Variants in EFNA5 observed in about 807,000 individuals in gnomAD.
EFNA5 encodes the protein ephrin A5.
In EFNA5, 5 loss-of-function variants were observed where a neutral mutation model predicts 22.9. The ratio of observed to expected loss-of-function variants is 0.22; its 90% CI spans 0.11 to 0.46. The LOEUF (loss-of-function observed/expected upper bound fraction) is 0.46. Among genes scored for constraint, EFNA5 ranks in the 20% least tolerant of loss-of-function variants. EFNA5 has a pLI of 0.99. For synonymous variants in EFNA5, 113 were observed against 112.2 expected, an observed-to-expected ratio of 1.01 and a Z score of -0.04; for missense variants, 237 against 293.3, an observed-to-expected ratio of 0.81 and a Z score of 1.40.
At chr5:107,523,318 C>T (rs2112445116) in intron 1 of EFNA5, among the ~76,000 whole-genome samples, 1 of 151,626 alleles carries the variant, frequency 6.6e-6, no homozygotes, top group Middle Eastern at 3.4e-3. Flanking sequence ...AAGAAATAGT[C>T]TCAGATATTC....
intron 1 of EFNA5, among the ~76,000 whole-genome samples, chr5:107,598,387 C>CA (rs1046230973): frequency 3.9e-5 from 6 of 151,938 alleles, no homozygotes; most frequent in Non-Finnish European, 8.8e-5. Context: ...AGAGGATAAG[C>CA]AAAAAACTAA....
At chr5:107,471,691 G>A (rs1319257953) in intron 1 of EFNA5, among the ~76,000 whole-genome samples, 1 of 152,196 alleles carries the variant, frequency 6.6e-6, no homozygotes, top group Non-Finnish European at 1.5e-5. Context: ...GGTAGGGCAA[G>A]GCCATGTTGC....
At chr5:107,499,419 C>T (rs1176452950) in intron 1 of EFNA5, among the ~76,000 whole-genome samples, 1 of 152,188 alleles carries the variant, frequency 6.6e-6, no homozygotes, top group Non-Finnish European at 1.5e-5. Context: ...TCTATGAGTC[C>T]TTGTTTGTGC....
intron 1 of EFNA5, among the ~76,000 whole-genome samples, chr5:107,484,114 A>G (rs1380592650): frequency 6.6e-6 from 1 of 152,178 alleles, no homozygotes; most frequent in African/African-American, 2.4e-5. Context: ...TTAATTGTCA[A>G]ACAGATTCAT....
rs1747308329 is a variant in EFNA5, at chr5:107,377,842, TGGA to T, written c.*3410_*3412del. 6.6e-6 allele frequency: 1 copy of T among 152,264 alleles called. No homozygotes were observed. Among genetic ancestry groups the T allele is most frequent in the East Asian group, 1.9e-4 (1 of 5,180 alleles). The allele number at this position is 152,264 out of a possible 1,614,324, so 9.4% of individuals were successfully genotyped here. On this transcript the variant is annotated 3_prime_UTR_variant, in exon 5 of 5. Coordinates refer to ENST00000333274, the MANE Select transcript of EFNA5 (RefSeq NM_001962.3). ...TATCCTTTTCAAACCAACATGCTGG[TGGA>T]GAAGGGAGGGTGGGCCACAGGGCTC...
At chr5:107,420,765 T>C (rs1225964258) in intron 2 of EFNA5, among the ~76,000 whole-genome samples, 1 of 152,176 alleles carries the variant, frequency 6.6e-6, no homozygotes, top group Admixed American at 6.5e-5. Context: ...ATGTGGTTTA[T>C]TATGGCATTT....
chr5:107,427,370 C>T lies in EFNA5; in HGVS notation c.265G>A (p.Ala89Thr). Residue 89 changes from alanine (A) to threonine (T), a missense_variant, in exon 2 of 5, where the codon GCC becomes ACC. By Grantham distance (58) the Ala-to-Thr change is moderately conservative (BLOSUM62 0). Transcript: ENST00000333274. ...LYMVNFDGYS[A>T]CDHTSKGFKR... The stretch of plus-strand genomic sequence containing the variant: ...AACCCTTTGGAAGTGTGGTCGCAGG[C>T]ACTGTAGCCATCAAAGTTCACCATG... 3.1e-6 allele frequency: 5 copies of T among 1,614,084 alleles called. No individual in the cohort carries two copies. In the South Asian group the frequency reaches 4.4e-5, roughly 14 times the overall value.
chr5:107,650,507 C>T (rs1389553077), intron 1 of EFNA5, among the ~76,000 whole-genome samples: 1 of 152,160 alleles, frequency 6.6e-6, no homozygotes. Context: ...CGCAGAGTCA[C>T]TTCAAGCATC....
Position 107,381,152 on chromosome 5 carries a change from C to A in EFNA5, c.*103G>T. The stretch of plus-strand genomic sequence containing the variant: ...AAGAAAACAAAAATCTGACATCTGC[C>A]AAAACCCAATAACAAGTCCCTTCTT... On this transcript the variant is annotated 3_prime_UTR_variant, in exon 5 of 5. Coordinates refer to ENST00000333274, the MANE Select transcript of EFNA5 (RefSeq NM_001962.3). 4 of 1,450,736 alleles carry A rather than the reference C, an allele frequency of 2.8e-6. No homozygotes were observed. Among genetic ancestry groups the A allele is most frequent in the Non-Finnish European group, 3.7e-6 (4 of 1,083,158 alleles). 89.9% of individuals were successfully genotyped at this position (1,450,736 alleles called of 1,614,324 possible). A position where few individuals can be genotyped will look rare whatever the true frequency, so the allele number is the denominator to read the frequency against.
intron 1 of EFNA5, among the ~76,000 whole-genome samples, chr5:107,656,834 C>A (rs1276985451): frequency 6.6e-6 from 1 of 152,062 alleles, no homozygotes; most frequent in Non-Finnish European, 1.5e-5. Flanking sequence ...TCAAATAGAG[C>A]TGAAATTTAA....
intron 1 of EFNA5, among the ~76,000 whole-genome samples, chr5:107,655,289 CTTGACAAATT>C (rs1750799304): frequency 6.6e-6 from 1 of 152,092 alleles, no homozygotes; most frequent in East Asian, 1.9e-4. Flanking sequence ...AGCTCATTCC[CTTGACAAATT>C]TTAACTTCCA....
intron 1 of EFNA5, among the ~76,000 whole-genome samples, chr5:107,661,813 C>G (rs1750966045): frequency 6.6e-6 from 1 of 152,092 alleles, no homozygotes; most frequent in African/African-American, 2.4e-5. Context: ...TATAAAACAT[C>G]AAGTATCATG....
chr5:107,466,730 G>A (rs891353332), intron 1 of EFNA5, among the ~76,000 whole-genome samples: 1 of 152,190 alleles, frequency 6.6e-6, no homozygotes, highest in Non-Finnish European at 1.5e-5. Flanking sequence ...CTGTAAGTTA[G>A]TGTGGTGAGT....
intron 4 of EFNA5, among the ~76,000 whole-genome samples, 170 bp downstream of exon 4, chr5:107,387,065 A>G (rs1747644635): frequency 6.6e-6 from 1 of 152,220 alleles, no homozygotes; most frequent in South Asian, 2.1e-4. Context: ...TTGCACAAAG[A>G]TACTGGAGGA....
chr5:107,617,448 T>C (rs149554200), intron 1 of EFNA5, among the ~76,000 whole-genome samples: 2 of 152,292 alleles, frequency 1.3e-5, no homozygotes, highest in East Asian at 1.9e-4. Flanking sequence ...TTGGGGAAGT[T>C]TGCTTTCTAA....
At chr5:107,621,926 C>T (rs777378455) in intron 1 of EFNA5, among the ~76,000 whole-genome samples, 4 of 151,912 alleles carry the variant, frequency 2.6e-5, no homozygotes, top group Non-Finnish European at 4.4e-5. Context: ...GGCATTTAAA[C>T]AGGAGATAAT....
In EFNA5 at chr5:107,427,309, T is replaced by C. The variant is rs199676207; in HGVS notation, c.326A>G (p.Asn109Ser). Residue 109 changes from asparagine to serine, a missense_variant, in exon 2 of 5, where the codon AAT becomes AGT. By Grantham distance (46) the Asn-to-Ser change is conservative (BLOSUM62 1). Transcript: ENST00000333274. ...RWECNRPHSP[N>S]GPLKFSEKFQ... is the part of the protein sequence containing the mutation. ...TTTTTCAGAGAACTTCAGCGGTCCA[T>C]TTGGAGAGTGAGGCCGGTTACATTC... The C allele has an allele frequency of 1.2e-6, 2 of 1,614,116 alleles. No individual in the cohort carries two copies. The highest frequency in any genetic ancestry group is 1.3e-5 in the African/African-American group (1 of 75,038).
intron 1 of EFNA5, among the ~76,000 whole-genome samples, chr5:107,537,309 C>T (rs1747949496): frequency 6.6e-6 from 1 of 151,716 alleles, no homozygotes; most frequent in Admixed American, 6.6e-5. Context: ...GCCTGACCAA[C>T]ATGGTGAAAC....
chr5:107,408,334 T>C (rs1011583047), intron 2 of EFNA5, among the ~76,000 whole-genome samples: 9 of 152,218 alleles, frequency 5.9e-5, no homozygotes, highest in Non-Finnish European at 1.3e-4. Flanking sequence ...AGCTATCTTT[T>C]CAAAATTTTC....
Sources: allele counts gnomAD v4.1 joint callset (sites outside exome capture counted in the v4.1 genomes callset), GRCh38; gene constraint gnomAD v4.1.1; transcripts MANE v1.5; gene names NCBI Gene and HGNC (gene_info 2026-07-23, HGNC 2026-07-21).